The following ABTB3 variants were observed in gnomAD, a reference collection of about 807,000 sequenced individuals.
The protein encoded by ABTB3 is ankyrin repeat- and BTB/POZ domain-containing protein 3.
the ABTB3 span, among the ~76,000 whole-genome samples, chr12:107,358,069 C>T: frequency 6.6e-6 from 1 of 152,148 alleles, no homozygotes; most frequent in Non-Finnish European, 1.5e-5. Flanking sequence ...ATGAACCAGA[C>T]AGTACTCTGG....
chr12:107,543,148 C>A, the ABTB3 span, among the ~76,000 whole-genome samples: 1 of 151,984 alleles, frequency 6.6e-6, no homozygotes, highest in African/African-American at 2.4e-5. Flanking sequence ...GCAGCCTGGC[C>A]AACATGGTGA....
the ABTB3 span, among the ~76,000 whole-genome samples, chr12:107,652,404 G>C: frequency 6.6e-6 from 1 of 152,114 alleles, no homozygotes; most frequent in Non-Finnish European, 1.5e-5. Flanking sequence ...CTGTGCCTGG[G>C]ACCCATCACA....
chr12:107,499,186 C>A, the ABTB3 span, among the ~76,000 whole-genome samples: 2 of 152,076 alleles, frequency 1.3e-5, no homozygotes, highest in African/African-American at 4.8e-5. Flanking sequence ...GCATTCAAGT[C>A]CTGTGATTTC....
the ABTB3 span, among the ~76,000 whole-genome samples, chr12:107,462,346 G>C: frequency 2.0e-5 from 3 of 152,204 alleles, no homozygotes; most frequent in Non-Finnish European, 2.9e-5. Flanking sequence ...CCAGTGTTTG[G>C]GGGGAAGTAA....
the ABTB3 span, chr12:107,544,004 C>A: frequency 6.2e-7 from 1 of 1,613,880 alleles, no homozygotes; most frequent in African/African-American, 1.3e-5. Context: ...AATGGCACCC[C>A]CCTGCACCAC....
the ABTB3 span, among the ~76,000 whole-genome samples, chr12:107,473,484 G>A: frequency 1.1e-4 from 16 of 152,112 alleles, no homozygotes; most frequent in East Asian, 3.1e-3. Flanking sequence ...CTCCTGAGTA[G>A]CTGTGACTAC....
chr12:107,500,367 C>G, the ABTB3 span, among the ~76,000 whole-genome samples: 1 of 152,320 alleles, frequency 6.6e-6, no homozygotes, highest in South Asian at 2.1e-4. Context: ...TTGCCCTCAT[C>G]TGTTTTCAAC....
chr12:107,527,563 C>T, the ABTB3 span, among the ~76,000 whole-genome samples: 3 of 151,906 alleles, frequency 2.0e-5, no homozygotes, highest in African/African-American at 4.8e-5. Context: ...TGAGCCATGG[C>T]GCCTGGCCAA....
At chr12:107,645,372 C>T in the ABTB3 span, among the ~76,000 whole-genome samples, 11 of 152,106 alleles carry the variant, frequency 7.2e-5, no homozygotes, top group Non-Finnish European at 1.5e-5. Flanking sequence ...TTCCAGCTGC[C>T]CTGCGAGGTA....
chr12:107,460,831 A>T, the ABTB3 span, among the ~76,000 whole-genome samples: 2 of 152,194 alleles, frequency 1.3e-5, no homozygotes, highest in African/African-American at 4.8e-5. Flanking sequence ...ATAATTTTTT[A>T]AAATTCCTGC....
chr12:107,522,279 C>G, the ABTB3 span, among the ~76,000 whole-genome samples: 1 of 152,142 alleles, frequency 6.6e-6, no homozygotes, highest in Admixed American at 6.5e-5. Context: ...GACATTCAGA[C>G]TATGGCAACT....
the ABTB3 span, among the ~76,000 whole-genome samples, chr12:107,415,310 C>T: frequency 0.097 from 14,771 of 152,134 alleles, 1,581 homozygotes; most frequent in East Asian, 0.41. Flanking sequence ...GCGCTTCCCA[C>T]TGTCTGATGT....
At chr12:107,409,706 T>A in the ABTB3 span, among the ~76,000 whole-genome samples, 1,018 of 152,150 alleles carry the variant, frequency 6.7e-3, 16 homozygotes, top group African/African-American at 0.023. Flanking sequence ...TTGTCAGGGG[T>A]TTGCAGGGAG....
At chr12:107,565,720 G>A in the ABTB3 span, among the ~76,000 whole-genome samples, 2 of 152,160 alleles carry the variant, frequency 1.3e-5, no homozygotes, top group Non-Finnish European at 1.5e-5. Context: ...CCACCCTACA[G>A]CCGGCCCCAG....
At chr12:107,547,909 A>G in the ABTB3 span, among the ~76,000 whole-genome samples, 5 of 152,170 alleles carry the variant, frequency 3.3e-5, no homozygotes, top group Non-Finnish European at 5.9e-5. Context: ...GCAGTCACTC[A>G]TATTATACTT....
chr12:107,334,333 A>G, the ABTB3 span, among the ~76,000 whole-genome samples: 1 of 152,170 alleles, frequency 6.6e-6, no homozygotes, highest in Non-Finnish European at 1.5e-5. Flanking sequence ...GAGGTGGGCT[A>G]GGAAGAGGCT....
At chr12:107,459,703 C>T in the ABTB3 span, among the ~76,000 whole-genome samples, 1 of 152,236 alleles carries the variant, frequency 6.6e-6, no homozygotes, top group African/African-American at 2.4e-5. Flanking sequence ...GACCCTAGCT[C>T]CTCAGCCATT....
At chr12:107,350,040 G>A in the ABTB3 span, among the ~76,000 whole-genome samples, 26 of 152,286 alleles carry the variant, frequency 1.7e-4, no homozygotes, top group Admixed American at 1.1e-3. Flanking sequence ...AATACAGATG[G>A]TTCAAGTTTG....
the ABTB3 span, among the ~76,000 whole-genome samples, chr12:107,462,999 AGAGT>A: frequency 6.7e-6 from 1 of 150,144 alleles, no homozygotes; most frequent in East Asian, 2.0e-4. Context: ...TAATGATGAT[AGAGT>A]GATAGTGATA....
Sources: allele counts gnomAD v4.1 joint callset (sites outside exome capture counted in the v4.1 genomes callset), GRCh38; gene constraint gnomAD v4.1.1; transcripts MANE v1.5; gene names NCBI Gene and HGNC (gene_info 2026-07-23, HGNC 2026-07-21).